The following ULK4 variants were observed in gnomAD, a reference collection of about 807,000 sequenced individuals.
The protein encoded by ULK4 is inactive serine/threonine-protein kinase ULK4.
A neutral mutation model predicts 160.6 loss-of-function variants in ULK4; 133 were observed. The ratio of observed to expected loss-of-function variants is 0.83; its 90% confidence interval spans 0.72 to 0.96. The LOEUF is 0.96. Among genes scored for constraint, ULK4 ranks in the 40% least tolerant of loss-of-function variants. The pLI is 0.00. For missense variants in ULK4, 1,580 were observed against 1,499.5 expected (o/e 1.05, Z -0.89); for synonymous variants, 534 against 539.8 (o/e 0.99, Z 0.15).
chr3:41,835,821 C>T, intron 18 of ULK4, 43 bp downstream of exon 18: 1 of 1,435,342 alleles, frequency 7.0e-7, no homozygotes, highest in South Asian at 1.2e-5. Flanking sequence ...CAGAGTATGT[C>T]AGAACATGTC....
chr3:41,310,709 C>T (rs1013741658), intron 35 of ULK4, among the ~76,000 whole-genome samples: 1 of 151,832 alleles, frequency 6.6e-6, no homozygotes, highest in Non-Finnish European at 1.5e-5. Flanking sequence ...ACGTGTAGGG[C>T]CAGGTGTGGG....
intron 34 of ULK4, among the ~76,000 whole-genome samples, chr3:41,432,678 T>A: frequency 6.6e-6 from 1 of 152,230 alleles, no homozygotes; most frequent in East Asian, 1.9e-4. Flanking sequence ...TTAATGATTA[T>A]GATGCATGGA....
chr3:41,645,806 A>G lies in ULK4; in HGVS notation c.3071+17801T>C, dbSNP rs552034047. 2.4e-4 allele frequency among the ~76,000 whole-genome samples: 37 copies of G among 152,278 alleles called. No individual in the cohort carries two copies. The South Asian group carries it at 7.7e-3, about 32-fold the overall frequency. ...TGACAGTAGGGTGTCAAAGTCTCCC[A>G]TTATTATTGTGTGGGAGTCTAAGTC... On this transcript the variant is annotated intron_variant, in intron 30 of 36. Transcript: ENST00000301831.
chr3:41,886,818 C>A (rs1353226324), intron 16 of ULK4, among the ~76,000 whole-genome samples: 1 of 152,140 alleles, frequency 6.6e-6, no homozygotes, highest in Non-Finnish European at 1.5e-5. Context: ...TCGTGATCCA[C>A]CCACCTCGGC....
At chr3:41,440,026 ATTT>A (rs1382772245) in intron 34 of ULK4, among the ~76,000 whole-genome samples, 1 of 152,148 alleles carries the variant, frequency 6.6e-6, no homozygotes, top group African/African-American at 2.4e-5. Flanking sequence ...AATAAAATAG[ATTT>A]TTTTGCATAT....
intron 32 of ULK4, among the ~76,000 whole-genome samples, chr3:41,473,661 C>CAAAAAAAAAAAAAAAAAAAAAAAAAAAA (rs1294599838): frequency 7.9e-5 from 2 of 25,292 alleles, no homozygotes; most frequent in African/African-American, 3.6e-4. Context: ...GATTCTGTCT[C>CAAAAAAAAAAAAAAAAAAAAAAAAAAAA]AAAGAAAAAA....
chr3:41,888,549 C>G (rs1716999), intron 16 of ULK4, among the ~76,000 whole-genome samples: 103,858 of 152,118 alleles, frequency 0.68, 39,110 homozygotes, highest in East Asian at 0.83. Context: ...CAGATTACAA[C>G]TGCACAAGGA....
At chr3:41,947,600 T>C (rs1441610055) in intron 2 of ULK4, among the ~76,000 whole-genome samples, 1 of 152,206 alleles carries the variant, frequency 6.6e-6, no homozygotes, top group Non-Finnish European at 1.5e-5. Context: ...TTGTGAGAAG[T>C]GAATGCACCC....
chr3:41,518,275 A>G (rs767087673), intron 32 of ULK4, among the ~76,000 whole-genome samples: 2 of 152,206 alleles, frequency 1.3e-5, no homozygotes, highest in Non-Finnish European at 2.9e-5. Context: ...TCATCTATAT[A>G]TCTGTAAGTA....
chr3:41,489,307 T>C (rs1559642282), intron 32 of ULK4, among the ~76,000 whole-genome samples: 1 of 152,222 alleles, frequency 6.6e-6, no homozygotes, highest in Non-Finnish European at 1.5e-5. Flanking sequence ...ACTGGCTTAT[T>C]TCTCACTGCC....
intron 1 of ULK4, 79 bp downstream of exon 1, chr3:41,961,937 G>A (rs1700691484): frequency 6.6e-6 from 1 of 152,582 alleles, no homozygotes; most frequent in Non-Finnish European, 1.5e-5. Flanking sequence ...CGCCCCGGCA[G>A]GCCTGCGCGC....
chr3:41,719,899 T>G (rs2125848512), intron 22 of ULK4, among the ~76,000 whole-genome samples: 1 of 152,310 alleles, frequency 6.6e-6, no homozygotes, highest in African/African-American at 2.4e-5. Flanking sequence ...AGTTTCGTCT[T>G]GTTTTCTCTC....
intron 21 of ULK4, among the ~76,000 whole-genome samples, chr3:41,771,923 T>C (rs924184210): frequency 6.6e-6 from 1 of 152,124 alleles, no homozygotes; most frequent in African/African-American, 2.4e-5. Context: ...TAAGAAACAA[T>C]GAATTAGAGA....
intron 32 of ULK4, among the ~76,000 whole-genome samples, chr3:41,536,556 A>G (rs1221614850): frequency 1.3e-5 from 2 of 152,192 alleles, no homozygotes; most frequent in Non-Finnish European, 2.9e-5. Context: ...TAGTTAACAC[A>G]TTGTGGGTTG....
intron 19 of ULK4, among the ~76,000 whole-genome samples, chr3:41,818,281 G>A (rs1354312431): frequency 6.6e-6 from 1 of 152,110 alleles, no homozygotes; most frequent in African/African-American, 2.4e-5. Context: ...CTTTTACACT[G>A]TCAACAGGAT....
Position 41,938,121 on chromosome 3 carries a change from C to G in ULK4, c.215G>C (p.Trp72Ser), listed in dbSNP as rs780387580. 6.2e-7 allele frequency: 1 copy of G among 1,612,792 alleles called. No homozygotes were observed. Among genetic ancestry groups the G allele is most frequent in the Non-Finnish European group, 8.5e-7 (1 of 1,179,308 alleles). The change falls in exon 3 of 37, where the codon TGG (tryptophan) becomes TCG (serine). Residue 72 changes from tryptophan (W) to serine (S), a missense_variant. Trp to Ser is a radical substitution (Grantham distance 177, BLOSUM62 -3). Coordinates refer to ENST00000301831, the MANE Select transcript of ULK4 (RefSeq NM_017886.4). ...ACCTGTGCAGAGTTCCACCACTAGC[C>G]AGAGGTGGTTGCTTGTTTCATACCA... Reference protein sequence around the residue: ...HEWYETSNHLWLVVELCTGGS... With the variant: ...HEWYETSNHLSLVVELCTGGS...
intron 21 of ULK4, among the ~76,000 whole-genome samples, chr3:41,765,358 T>C (rs2039123570): frequency 6.6e-6 from 1 of 151,380 alleles, no homozygotes; most frequent in Non-Finnish European, 1.5e-5. Flanking sequence ...AACTGAACAA[T>C]GAGAACACTT....
intron 17 of ULK4, among the ~76,000 whole-genome samples, chr3:41,877,263 C>T (rs1037455887): frequency 3.3e-5 from 5 of 151,554 alleles, no homozygotes; most frequent in African/African-American, 9.7e-5. Context: ...AGTAACAATA[C>T]GTGTACTATT....
intron 21 of ULK4, among the ~76,000 whole-genome samples, chr3:41,762,557 C>G (rs1422316970): frequency 6.6e-6 from 1 of 151,882 alleles, no homozygotes; most frequent in Non-Finnish European, 1.5e-5. Flanking sequence ...GCTAGGGAGG[C>G]CTCAGGAAAC....
Sources: gnomAD v4.1 joint callset for allele counts (sites outside exome capture counted in the v4.1 genomes callset) on GRCh38, gnomAD v4.1.1 for gene constraint, MANE v1.5 for transcripts, NCBI Gene and HGNC (gene_info 2026-07-23, HGNC 2026-07-21) for gene names.